The following SSBP2 variants were observed in gnomAD, a reference collection of about 807,000 sequenced individuals.
SSBP2 encodes single-stranded DNA-binding protein 2.
A neutral mutation model predicts 61.8 loss-of-function variants in SSBP2; 17 were observed. The ratio of observed to expected loss-of-function variants is 0.28; its 90% CI spans 0.19 to 0.41. The LOEUF (loss-of-function observed/expected upper bound fraction) is 0.41, where lower values mean the gene tolerates loss of function less well. SSBP2 is among the 10% of genes least tolerant of loss of function. The pLI, the probability that SSBP2 is intolerant of heterozygous loss-of-function variation, is 1.00. For synonymous variants in SSBP2, 139 were observed against 141.3 expected (o/e 0.98, Z 0.12); for missense variants, 310 against 458.7 (o/e 0.68, Z 2.96).
intron 4 of SSBP2, among the ~76,000 whole-genome samples, chr5:81,575,261 T>TC (rs2153456671): frequency 6.6e-6 from 1 of 152,152 alleles, no homozygotes; most frequent in South Asian, 2.1e-4. Flanking sequence ...GAGCGAGACT[T>TC]CGTCTCAAAA....
intron 1 of SSBP2, among the ~76,000 whole-genome samples, chr5:81,741,912 A>C (rs1468498195): frequency 2.0e-5 from 3 of 152,224 alleles, no homozygotes; most frequent in Non-Finnish European, 2.9e-5. Context: ...TCTCTGTTGA[A>C]TCAAATCCAC....
At chr5:81,600,056 TA>T (rs1421486628) in intron 4 of SSBP2, among the ~76,000 whole-genome samples, 1 of 152,234 alleles carries the variant, frequency 6.6e-6, no homozygotes, top group East Asian at 1.9e-4. Flanking sequence ...CAATAAATGT[TA>T]TTTTTTTAAT....
rs1013101334 is a variant in SSBP2 at position 81,419,084 on chromosome 5, T to C, written c.*1420A>G. On this transcript the variant is annotated 3_prime_UTR_variant, in exon 17 of 17. Transcript: ENST00000320672. Reference sequence around the variant, plus strand: ...GTGATTTTGGTGTATGTATGTATAATTAAGCACAAAATCCCAAAAGATCTG... The same window carrying C: ...GTGATTTTGGTGTATGTATGTATAACTAAGCACAAAATCCCAAAAGATCTG... The C allele has an allele frequency of 6.6e-6, 1 of 152,208 alleles. No individual in the cohort carries two copies. The highest frequency in any genetic ancestry group is 2.4e-5 in the African/African-American group (1 of 41,458). 9.4% of individuals were successfully genotyped at this position (152,208 alleles called of 1,614,324 possible). A position where few individuals can be genotyped will look rare whatever the true frequency, so the allele number is the denominator to read the frequency against.
intron 4 of SSBP2, among the ~76,000 whole-genome samples, chr5:81,553,701 G>A (rs1041911241): frequency 2.6e-5 from 4 of 152,134 alleles, no homozygotes; most frequent in Non-Finnish European, 5.9e-5. Context: ...AATAGAGGCA[G>A]CAGGGTGTAG....
chr5:81,448,368 G>C (rs1459066832), intron 11 of SSBP2, among the ~76,000 whole-genome samples: 1 of 152,126 alleles, frequency 6.6e-6, no homozygotes, highest in East Asian at 1.9e-4. Context: ...TAAATTATTA[G>C]TCATTATTCT....
At chr5:81,520,617 G>C (rs1311081401) in intron 4 of SSBP2, among the ~76,000 whole-genome samples, 1 of 151,950 alleles carries the variant, frequency 6.6e-6, no homozygotes, top group Non-Finnish European at 1.5e-5. Flanking sequence ...TACAATTTTT[G>C]TATTTAGAAA....
At chr5:81,512,367 T>C (rs1188159916) in intron 5 of SSBP2, among the ~76,000 whole-genome samples, 1 of 152,194 alleles carries the variant, frequency 6.6e-6, no homozygotes, top group Admixed American at 6.5e-5. Flanking sequence ...TCTAGGGATA[T>C]TGTGAGGATT....
At chr5:81,563,284 T>C (rs2153421631) in intron 4 of SSBP2, among the ~76,000 whole-genome samples, 1 of 152,268 alleles carries the variant, frequency 6.6e-6, no homozygotes, top group East Asian at 1.9e-4. Context: ...AGTGCTGGAA[T>C]TGGATATCCA....
chr5:81,537,711 T>C (rs1443939823), intron 4 of SSBP2, among the ~76,000 whole-genome samples: 1 of 152,106 alleles, frequency 6.6e-6, no homozygotes, highest in Non-Finnish European at 1.5e-5. Context: ...GTTACTATTG[T>C]AGGACACCGT....
chr5:81,586,645 A>G (rs1775076874), intron 4 of SSBP2, among the ~76,000 whole-genome samples: 1 of 141,350 alleles, frequency 7.1e-6, no homozygotes, highest in Admixed American at 7.1e-5. Context: ...AAAAAAAAAG[A>G]GTAAATATAG....
At chr5:81,463,758 C>CTTTTTTT (rs938398439) in intron 9 of SSBP2, among the ~76,000 whole-genome samples, 78 of 96,220 alleles carry the variant, frequency 8.1e-4, no homozygotes, top group East Asian at 1.5e-3. Context: ...GAAAAATCCT[C>CTTTTTTT]TTTTTTTTTT....
chr5:81,429,072 T>C (rs1437462202), intron 15 of SSBP2, among the ~76,000 whole-genome samples: 1 of 152,176 alleles, frequency 6.6e-6, no homozygotes, highest in Non-Finnish European at 1.5e-5. Context: ...CCCTTAGTCA[T>C]TTCACTAACC....
At chr5:81,723,991 C>T (rs1004584167) in intron 1 of SSBP2, among the ~76,000 whole-genome samples, 26 of 152,108 alleles carry the variant, frequency 1.7e-4, no homozygotes, top group African/African-American at 6.0e-4. Context: ...CTAACCAAAA[C>T]ACTTAACTCT....
intron 4 of SSBP2, among the ~76,000 whole-genome samples, chr5:81,568,526 T>A (rs1426572927): frequency 6.6e-6 from 1 of 152,182 alleles, no homozygotes; most frequent in Non-Finnish European, 1.5e-5. Context: ...ACTAATATAG[T>A]TTGGATTATA....
At chr5:81,551,122 A>G (rs1203123287) in intron 4 of SSBP2, among the ~76,000 whole-genome samples, 3 of 149,862 alleles carry the variant, frequency 2.0e-5, no homozygotes, top group African/African-American at 7.4e-5. Context: ...AAAAGAAATC[A>G]TAGAAGAAGA....
intron 4 of SSBP2, among the ~76,000 whole-genome samples, chr5:81,522,027 C>A (rs1352965472): frequency 1.3e-5 from 2 of 151,916 alleles, no homozygotes; most frequent in African/African-American, 2.4e-5. Context: ...ACTAAGTGAC[C>A]CTTCTTTTCC....
chr5:81,523,544 T>C (rs183451788), intron 4 of SSBP2, among the ~76,000 whole-genome samples: 128 of 152,184 alleles, frequency 8.4e-4, no homozygotes, highest in African/African-American at 2.8e-3. Context: ...TTTAGTGCAA[T>C]TACCTCTCAA....
At chr5:81,668,574 T>C (rs1751353618) in intron 1 of SSBP2, among the ~76,000 whole-genome samples, 3 of 152,164 alleles carry the variant, frequency 2.0e-5, no homozygotes, top group Admixed American at 6.5e-5. Context: ...TCATGTTTCT[T>C]AATATTCAAT....
chr5:81,608,444 T>C (rs895420583), intron 4 of SSBP2, among the ~76,000 whole-genome samples: 8 of 152,160 alleles, frequency 5.3e-5, no homozygotes, highest in Non-Finnish European at 1.2e-4. Flanking sequence ...CATCCTAAAA[T>C]ATAATTTCCT....
Sources: gnomAD v4.1 joint callset for allele counts (sites outside exome capture counted in the v4.1 genomes callset) on GRCh38, gnomAD v4.1.1 for gene constraint, MANE v1.5 for transcripts, NCBI Gene and HGNC (gene_info 2026-07-23, HGNC 2026-07-21) for gene names.